Variants in LRRC4C observed in about 807,000 individuals in gnomAD.
LRRC4C encodes leucine rich repeat containing 4C, also known as leucine-rich repeat-containing protein 4C.
LRRC4C carries 5 observed loss-of-function variants against 33.6 expected under a neutral mutation model. The ratio of observed to expected loss-of-function variants is 0.15; its 90% CI spans 0.08 to 0.31. The LOEUF (loss-of-function observed/expected upper bound fraction) is 0.31. LRRC4C is among the 10% of genes least tolerant of loss of function. The pLI is 1.00. For synonymous variants in LRRC4C, 329 were observed against 302.0 expected (o/e 1.09, Z -0.93); for missense variants, 560 against 796.7 (o/e 0.70, Z 3.58).
chr11:40,699,979 T>A (rs1945785877), intron 2 of LRRC4C, among the ~76,000 whole-genome samples: 1 of 152,188 alleles, frequency 6.6e-6, no homozygotes, highest in Non-Finnish European at 1.5e-5. Flanking sequence ...AAAAAATGTG[T>A]TATAATGCTT....
At chr11:40,252,477 C>T (rs1035093704) in intron 4 of LRRC4C, among the ~76,000 whole-genome samples, 2 of 152,110 alleles carry the variant, frequency 1.3e-5, no homozygotes, top group South Asian at 4.1e-4. Context: ...CACACCAAGA[C>T]TCCATTTTAT....
intron 2 of LRRC4C, among the ~76,000 whole-genome samples, chr11:40,837,981 A>T (rs996027373): frequency 6.6e-6 from 1 of 152,222 alleles, no homozygotes; most frequent in South Asian, 2.1e-4. Context: ...AAAAAATACC[A>T]TTGAAAATAA....
chr11:40,691,055 A>G (rs1389058546), intron 2 of LRRC4C, among the ~76,000 whole-genome samples: 4 of 152,096 alleles, frequency 2.6e-5, no homozygotes, highest in African/African-American at 9.7e-5. Context: ...TCAGCCATGC[A>G]GGTCCCCTCG....
At chr11:41,295,261 C>A (rs1447244592) in intron 1 of LRRC4C, among the ~76,000 whole-genome samples, 1 of 151,940 alleles carries the variant, frequency 6.6e-6, no homozygotes, top group East Asian at 1.9e-4. Context: ...TAAATATTAA[C>A]AACATTGGAA....
intron 6 of LRRC4C, among the ~76,000 whole-genome samples, chr11:40,120,432 C>T (rs528242699): frequency 1.0e-3 from 158 of 152,162 alleles, no homozygotes; most frequent in Non-Finnish European, 1.7e-3. Context: ...TTCCAGTAAT[C>T]ATGACCATCG....
chr11:40,210,607 C>A (rs186350229), intron 5 of LRRC4C, among the ~76,000 whole-genome samples: 1 of 152,080 alleles, frequency 6.6e-6, no homozygotes, highest in Non-Finnish European at 1.5e-5. Flanking sequence ...CTATTGAAAT[C>A]GTCTCCTACA....
intron 3 of LRRC4C, among the ~76,000 whole-genome samples, chr11:40,595,174 A>G (rs7952573): frequency 0.24 from 36,750 of 151,874 alleles, 4,838 homozygotes; most frequent in East Asian, 0.5. Context: ...AAAAAGAAGG[A>G]GACGTATTTA....
chr11:40,676,581 C>T (rs1944415139), intron 2 of LRRC4C, among the ~76,000 whole-genome samples: 1 of 152,100 alleles, frequency 6.6e-6, no homozygotes, highest in Admixed American at 6.6e-5. Flanking sequence ...TTTTGCCTTC[C>T]AAAACTATGC....
At chr11:41,062,233 CTTCT>C (rs1253973155) in intron 1 of LRRC4C, among the ~76,000 whole-genome samples, 1 of 152,142 alleles carries the variant, frequency 6.6e-6, no homozygotes, top group African/African-American at 2.4e-5. Context: ...TTTTCCTTAT[CTTCT>C]TTCTCTTCTC....
At chr11:40,820,745 C>T (rs1951897358) in intron 2 of LRRC4C, among the ~76,000 whole-genome samples, 1 of 151,772 alleles carries the variant, frequency 6.6e-6, no homozygotes, top group South Asian at 2.1e-4. Flanking sequence ...GTCATTCTAA[C>T]ATTAGAAAGA....
Position 40,150,343 on chromosome 11 carries a change from C to A in LRRC4C, c.-95-9490G>T, listed in dbSNP as rs563911438. On this transcript the variant is annotated intron_variant, in intron 5 of 6. Transcript: ENST00000528697. ...AGATTTTTTGTGTAAAACCATCCAA[C>A]ATACTTCAGAGAGCTAGGCCTTGCA... 9.2e-5 allele frequency among the ~76,000 whole-genome samples: 14 copies of A among 152,354 alleles called. No individual in the cohort carries two copies. In the South Asian group the frequency reaches 2.9e-3, roughly 32 times the overall value.
At chr11:40,836,808 A>C (rs561238032) in intron 2 of LRRC4C, among the ~76,000 whole-genome samples, 1 of 152,180 alleles carries the variant, frequency 6.6e-6, no homozygotes. Flanking sequence ...TAAAGTATAG[A>C]AAGTCCCAGA....
intron 1 of LRRC4C, among the ~76,000 whole-genome samples, chr11:40,971,094 A>G (rs1328798721): frequency 1.3e-5 from 2 of 152,132 alleles, no homozygotes; most frequent in Non-Finnish European, 2.9e-5. Flanking sequence ...GAAAAGAAAA[A>G]CTCAGTTTCT....
intron 3 of LRRC4C, among the ~76,000 whole-genome samples, chr11:40,391,006 G>A (rs1360326925): frequency 1.3e-5 from 2 of 151,860 alleles, no homozygotes; most frequent in East Asian, 1.9e-4. Context: ...CTCAGCCTCC[G>A]GAGTAGCTGG....
chr11:41,148,637 C>A (rs181249349), intron 1 of LRRC4C, among the ~76,000 whole-genome samples: 230 of 152,104 alleles, frequency 1.5e-3, no homozygotes, highest in African/African-American at 5.2e-3. Flanking sequence ...ACCCGGGAAA[C>A]AACTAGGGGA....
chr11:40,718,736 T>C (rs1417076343), intron 2 of LRRC4C, among the ~76,000 whole-genome samples: 1 of 152,178 alleles, frequency 6.6e-6, no homozygotes, highest in Non-Finnish European at 1.5e-5. Flanking sequence ...TATTTGTAAA[T>C]AAAAGGAGTT....
At chr11:40,552,819 A>C (rs1187041307) in intron 3 of LRRC4C, among the ~76,000 whole-genome samples, 1 of 152,170 alleles carries the variant, frequency 6.6e-6, no homozygotes, top group African/African-American at 2.4e-5. Context: ...TTAATCTATA[A>C]CACCCACAAT....
At chr11:40,834,913 C>CAG (rs754413471) in intron 2 of LRRC4C, among the ~76,000 whole-genome samples, 49 of 133,080 alleles carry the variant, frequency 3.7e-4, no homozygotes, top group African/African-American at 8.1e-4. Flanking sequence ...GACAGACAGA[C>CAG]ACACACACAC....
At chr11:40,262,858 C>A (rs1941961907) in intron 4 of LRRC4C, among the ~76,000 whole-genome samples, 1 of 151,904 alleles carries the variant, frequency 6.6e-6, no homozygotes, top group Non-Finnish European at 1.5e-5. Flanking sequence ...GAAGGGATAG[C>A]ATTAGGAGAA....
Sources: allele counts gnomAD v4.1 joint callset (sites outside exome capture counted in the v4.1 genomes callset), GRCh38; gene constraint gnomAD v4.1.1; transcripts MANE v1.5; gene names NCBI Gene and HGNC (gene_info 2026-07-23, HGNC 2026-07-21).